CLCNKB: variants seen among roughly 807,000 people sequenced by gnomAD.
CLCNKB encodes chloride channel protein ClC-Kb.
CLCNKB carries 74 observed loss-of-function variants against 83.8 expected under a neutral mutation model. The observed-to-expected ratio is 0.88, with a 90% CI of 0.73 to 1.07. The LOEUF (loss-of-function observed/expected upper bound fraction) is 1.07. CLCNKB is among the 50% of genes least tolerant of loss of function. The pLI is 0.00. For missense variants in CLCNKB, 798 were observed against 893.6 expected, an observed-to-expected ratio of 0.89 and a Z score of 1.36; for synonymous variants, 358 against 356.6, an observed-to-expected ratio of 1.00 and a Z score of -0.04.
intron 2 of CLCNKB, 80 bp from the exon 3 acceptor site, chr1:16,045,478 G>A: frequency 6.4e-7 from 1 of 1,564,656 alleles, no homozygotes; most frequent in Non-Finnish European, 8.7e-7. Flanking sequence ...CTCTCTGCCT[G>A]AAGCCCAGCA....
chr1:16,056,236 G>T (rs921093506), intron 18 of CLCNKB, among the ~76,000 whole-genome samples, 186 bp from the exon 19 acceptor site: 2 of 152,096 alleles, frequency 1.3e-5, no homozygotes, highest in Admixed American at 1.3e-4. Context: ...CTGCGGCCCC[G>T]CCCAGACCCT....
At chr1:16,052,525 C>A (rs1389828113) in intron 15 of CLCNKB, 114 bp downstream of exon 15, 5 of 1,353,086 alleles carry the variant, frequency 3.7e-6, no homozygotes, top group Non-Finnish European at 5.1e-6. Flanking sequence ...GACATGGGGG[C>A]TGACACACAG....
At chr1:16,045,156 C>T (rs1557465746) in intron 2 of CLCNKB, among the ~76,000 whole-genome samples, 1 of 152,128 alleles carries the variant, frequency 6.6e-6, no homozygotes, top group Non-Finnish European at 1.5e-5. Context: ...GGATACCTGG[C>T]GCCACAGGTC....
At position 16,053,649 on chromosome 1, in the gene CLCNKB, G is replaced by A. The variant is rs773177291; in HGVS notation, c.1633G>A (p.Val545Met). ...CCCCTCTGCCTGCAGTTCCCACCGC[G>A]TGAGGGTGGAGCACTTCATGAACCA... ...ILGRNIGSHR[V>M]RVEHFMNHSI... Residue 545 changes from valine (V) to methionine (M), a missense_variant, in exon 16 of 20, where the codon GTG becomes ATG. By Grantham distance (21) the Val-to-Met change is conservative. Transcript: ENST00000375679. The A allele has an allele frequency of 9.9e-6, 16 of 1,613,846 alleles. No homozygotes were observed. In the Admixed American group the frequency reaches 2.2e-4, roughly 22 times the overall value.
intron 15 of CLCNKB, 60 bp from the exon 16 acceptor site, chr1:16,053,578 CT>C: frequency 6.2e-7 from 1 of 1,612,678 alleles, no homozygotes; most frequent in Non-Finnish European, 8.5e-7. Context: ...ACAGATCCCC[CT>C]GCCAGCCTGG....
chr1:16,049,930 TA>T lies in CLCNKB; in HGVS notation c.968+16del, dbSNP rs2023233599. The stretch of plus-strand genomic sequence containing the variant: ...GCTGGCCACCAGGTAGGCTCCGGGC[TA>T]AGGGCTGGGGACCTCTCAGCGAGCT... On this transcript the variant is annotated intron_variant, in intron 10 of 19. Transcript: ENST00000375679. The T allele has an allele frequency of 2.0e-6, 3 of 1,464,742 alleles. No individual in the cohort carries two copies. The highest frequency in any genetic ancestry group is 2.7e-6 in the Non-Finnish European group (3 of 1,092,562). The allele number at this position is 1,464,742 out of a possible 1,614,324, so 90.7% of individuals were successfully genotyped here.
At position 16,050,930 on chromosome 1, in the gene CLCNKB, T is replaced by A; in HGVS notation, c.1109T>A (p.Met370Lys). The A allele has an allele frequency of 2.5e-6, 4 of 1,613,252 alleles. No homozygotes were observed. Among genetic ancestry groups the A allele is most frequent in the Non-Finnish European group, 3.4e-6 (4 of 1,179,904 alleles). Residue 370 changes from methionine to lysine, a missense_variant, in exon 12 of 20, where the codon ATG (methionine) becomes AAG (lysine). Coordinates refer to ENST00000375679, the MANE Select transcript of CLCNKB (RefSeq NM_000085.5). ...SLFDNHSWAL[M>K]TQNSSPPWPE... is the part of the protein sequence containing the mutation. ...TTCGACAACCACTCCTGGGCGCTGA[T>A]GACCCAGAACTCCAGCCCACCCTGG...
In CLCNKB at chr1:16,057,068, G is replaced by T; in HGVS notation, c.*152G>T. 2.5e-6 allele frequency: 2 copies of T among 786,786 alleles called. No homozygotes were observed. Among genetic ancestry groups the T allele is most frequent in the Non-Finnish European group, 4.4e-6 (2 of 451,000 alleles). The allele number at this position is 786,786 out of a possible 1,614,324, so 48.7% of individuals were successfully genotyped here. A position where few individuals can be genotyped will look rare whatever the true frequency, so the allele number is the denominator to read the frequency against. On this transcript the variant is annotated 3_prime_UTR_variant, in exon 20 of 20. Transcript: ENST00000375679. ...CAGGCAACTTTAACCTAGCCCAGAA[G>T]AGGATGGCTCATCCTGGGTGGGACG...
chr1:16,047,876 C>G, intron 4 of CLCNKB, 29 bp from the exon 5 acceptor site: 1 of 1,611,806 alleles, frequency 6.2e-7, no homozygotes, highest in Non-Finnish European at 8.5e-7. Context: ...GAGATTGTCC[C>G]CCTCCTGGCC....
intron 15 of CLCNKB, among the ~76,000 whole-genome samples, chr1:16,053,135 T>C (rs760649956): frequency 4.6e-5 from 7 of 151,986 alleles, no homozygotes; most frequent in Non-Finnish European, 5.9e-5. Flanking sequence ...GTTCAAGCAA[T>C]TCTTCTGCCT....
chr1:16,050,557 C>T lies in CLCNKB; in HGVS notation c.1010C>T (p.Ser337Phe). Residue 337 changes from serine (S) to phenylalanine (F), a missense_variant, in exon 11 of 20, where the codon TCC becomes TTC. Ser to Phe is a radical substitution (Grantham distance 155). Transcript: ENST00000375679. ...GCTCTGGCCACCTTGGTTCTCGCCTCCATCACCTACCCACCCAGCGCCGGC... is the reference window on the plus strand; with the variant it reads ...GCTCTGGCCACCTTGGTTCTCGCCTTCATCACCTACCCACCCAGCGCCGGC... ...YSALATLVLA[S>F]ITYPPSAGRF... The T allele has an allele frequency of 1.9e-6, 3 of 1,614,128 alleles. No homozygotes were observed. The highest frequency in any genetic ancestry group is 2.5e-6 in the Non-Finnish European group (3 of 1,180,004).
intron 4 of CLCNKB, among the ~76,000 whole-genome samples, chr1:16,047,031 A>G (rs1319390026): frequency 6.6e-6 from 1 of 152,064 alleles, no homozygotes; most frequent in African/African-American, 2.4e-5. Context: ...GTGGCCTGAG[A>G]TTTCATCCGG....
intron 16 of CLCNKB, among the ~76,000 whole-genome samples, chr1:16,054,453 C>T (rs1394645719): frequency 1.3e-5 from 2 of 152,082 alleles, no homozygotes; most frequent in Non-Finnish European, 2.9e-5. Flanking sequence ...ACCCCTATGC[C>T]CACCCCAAGA....
chr1:16,051,653 G>A (rs2023296973), intron 13 of CLCNKB, 57 bp from the exon 14 acceptor site: 1 of 1,602,508 alleles, frequency 6.2e-7, no homozygotes, highest in African/African-American at 1.3e-5. Context: ...CCTCAGGGAT[G>A]GAGGGCTGTG....
In CLCNKB at chr1:16,044,438, G is replaced by A. The variant is rs1485004175; in HGVS notation, c.-7-48G>A. 4.0e-6 allele frequency: 6 copies of A among 1,493,822 alleles called. No homozygotes were observed. The African/African-American group carries it at 6.9e-5, about 17-fold the overall frequency. The allele number at this position is 1,493,822 out of a possible 1,614,324, so 92.5% of individuals were successfully genotyped here. ...CTGGAAGGGCCTAGAGGCAGTGCGA[G>A]GACGTGCAGCAGCTCACCGCGGTCC... is the stretch of plus-strand genomic sequence containing the variant. On this transcript the variant is annotated intron_variant, in intron 1 of 19. Transcript: ENST00000375679.
At chr1:16,048,893 C>A (rs1175009973) in intron 7 of CLCNKB, 1 of 1,446,602 alleles carries the variant, frequency 6.9e-7, no homozygotes, top group African/African-American at 1.4e-5. Flanking sequence ...ACCGTCCCCA[C>A]CCGATAGCGA....
rs1411773433 is a variant in CLCNKB, at chr1:16,046,523, G to A, written c.230-12G>A. 13 of 1,613,432 alleles carry A rather than the reference G, an allele frequency of 8.1e-6. No homozygotes were observed. The highest frequency in any genetic ancestry group is 2.2e-5 in the South Asian group (2 of 91,034). On this transcript the variant is annotated splice_polypyrimidine_tract_variant and intron_variant, in intron 3 of 19. Transcript: ENST00000375679. ...GGCTGTGGGTGCCTCCCTGATACCC[G>A]GCTGTCCCCAGCGCACCAGTGGCTG...
At chr1:16,046,871 A>C (rs1235770756) in intron 4 of CLCNKB, among the ~76,000 whole-genome samples, 3 of 152,144 alleles carry the variant, frequency 2.0e-5, no homozygotes, top group Non-Finnish European at 4.4e-5. Context: ...CTGGGACTTG[A>C]TGGGAGGCCT....
Position 16,048,366 on chromosome 1 carries a change from G to C in CLCNKB, c.522G>C (p.Val174=), listed in dbSNP as rs776303565. ...AGGGCCCTTTCGTGCACCTGTCTGT[G>C]ATGATGGCTGCCTACCTGGGCCGTG... is the stretch of plus-strand genomic sequence containing the variant. ...GKVGPFVHLS[V]MMAAYLGRVR... Residue 174 remains valine (V), a synonymous_variant, in exon 6 of 20, where the codon GTG becomes GTC. Coordinates refer to ENST00000375679, the MANE Select transcript of CLCNKB (RefSeq NM_000085.5). The C allele has an allele frequency of 6.2e-7, 1 of 1,614,070 alleles. No individual in the cohort carries two copies. Among genetic ancestry groups the C allele is most frequent in the Non-Finnish European group, 8.5e-7 (1 of 1,180,018 alleles).
Sources: allele counts gnomAD v4.1 joint callset (sites outside exome capture counted in the v4.1 genomes callset), GRCh38; gene constraint gnomAD v4.1.1; transcripts MANE v1.5; gene names NCBI Gene and HGNC (gene_info 2026-07-23, HGNC 2026-07-21).